The following PTBP3 variants were observed in gnomAD, a reference collection of about 807,000 sequenced individuals.
PTBP3 encodes polypyrimidine tract binding protein 3.
PTBP3 carries 20 observed loss-of-function variants against 58.7 expected under a neutral mutation model. The observed-to-expected ratio is 0.34, with a 90% confidence interval of 0.24 to 0.50. PTBP3 has a LOEUF of 0.50. Ranked by LOEUF, PTBP3 falls within the 20% of genes least tolerant of loss-of-function variation. The pLI, the probability that PTBP3 is intolerant of heterozygous loss-of-function variation, is 0.98. For synonymous variants in PTBP3, 185 were observed against 219.8 expected (o/e 0.84, Z 1.40); for missense variants, 509 against 637.2 (o/e 0.80, Z 2.17).
chr9:112,364,590 G>A, the PTBP3 span, among the ~76,000 whole-genome samples: 2 of 152,102 alleles, frequency 1.3e-5, no homozygotes, highest in East Asian at 1.9e-4. Flanking sequence ...CTATGATCAC[G>A]CCACTGTACT....
chr9:112,311,438 G>A (rs953727879), intron 1 of PTBP3, among the ~76,000 whole-genome samples: 5 of 152,132 alleles, frequency 3.3e-5, no homozygotes, highest in Non-Finnish European at 5.9e-5. Context: ...TAAGTTATAT[G>A]GAAATACAGT....
chr9:112,226,475 C>T (rs1589793769), intron 12 of PTBP3, among the ~76,000 whole-genome samples: 1 of 152,070 alleles, frequency 6.6e-6, no homozygotes, highest in Non-Finnish European at 1.5e-5. Context: ...GCTTATAGTC[C>T]CTTTTATGTA....
intron 1 of PTBP3, among the ~76,000 whole-genome samples, chr9:112,320,291 A>AAAAAAAAAATATATATATATATAT (rs1411646280): frequency 1.4e-5 from 1 of 73,564 alleles, no homozygotes; most frequent in African/African-American, 9.0e-5. Flanking sequence ...AAAAAAAAAA[A>AAAAAAAAAATATATATATATATAT]ATATATATAT....
chr9:112,351,916 C>T, the PTBP3 span, among the ~76,000 whole-genome samples: 1 of 151,498 alleles, frequency 6.6e-6, no homozygotes, highest in Non-Finnish European at 1.5e-5. Flanking sequence ...CTACCTCAGT[C>T]CTAGAATCAG....
chr9:112,371,727 C>T, the PTBP3 span, among the ~76,000 whole-genome samples: 3 of 136,220 alleles, frequency 2.2e-5, no homozygotes, highest in African/African-American at 8.4e-5. Context: ...TTTCTTAGTT[C>T]ACAATTCATT....
intron 9 of PTBP3, among the ~76,000 whole-genome samples, 169 bp from the exon 10 acceptor site, chr9:112,231,582 C>A (rs902184465): frequency 2.6e-5 from 4 of 152,004 alleles, no homozygotes; most frequent in African/African-American, 9.7e-5. Context: ...CAAACTTAAG[C>A]ATTTTAATTT....
chr9:112,305,694 A>C (rs1829156570), intron 1 of PTBP3, among the ~76,000 whole-genome samples: 1 of 152,128 alleles, frequency 6.6e-6, no homozygotes, highest in Non-Finnish European at 1.5e-5. Context: ...TAATCTCAGC[A>C]CTTTGGGAGG....
intron 2 of PTBP3, among the ~76,000 whole-genome samples, chr9:112,290,737 C>CACACACACAA (rs1455955448): frequency 1.4e-5 from 2 of 146,986 alleles, no homozygotes; most frequent in East Asian, 2.0e-4. Context: ...CACACACACA[C>CACACACACAA]AATCAAGTGT....
upstream of PTBP3, among the ~76,000 whole-genome samples, chr9:112,337,742 G>A (rs1830588706): frequency 6.6e-6 from 1 of 152,168 alleles, no homozygotes; most frequent in Non-Finnish European, 1.5e-5. Flanking sequence ...TCTGATGAGA[G>A]ACACCACCCC....
At chr9:112,232,059 C>A in intron 9 of PTBP3, 40 bp downstream of exon 9, 1 of 1,400,664 alleles carries the variant, frequency 7.1e-7, no homozygotes, top group Non-Finnish European at 9.6e-7. Context: ...ACTATACCTT[C>A]TCCTGAAAGA....
chr9:112,232,542 T>C (rs1835286107), intron 8 of PTBP3, among the ~76,000 whole-genome samples: 1 of 152,210 alleles, frequency 6.6e-6, no homozygotes, highest in South Asian at 2.1e-4. Flanking sequence ...ACACTCCCTC[T>C]GTTTCTTACA....
chr9:112,373,411 C>A, the PTBP3 span, among the ~76,000 whole-genome samples: 3 of 152,292 alleles, frequency 2.0e-5, no homozygotes, highest in Non-Finnish European at 4.4e-5. Context: ...GCTTTGTATT[C>A]ACTGGCAGCT....
At chr9:112,282,333 T>C (rs1321039057) in intron 2 of PTBP3, among the ~76,000 whole-genome samples, 2 of 152,222 alleles carry the variant, frequency 1.3e-5, no homozygotes, top group African/African-American at 4.8e-5. Context: ...ACTACTGGTT[T>C]CATTAATTTT....
At chr9:112,292,127 T>A (rs892033170) in intron 2 of PTBP3, among the ~76,000 whole-genome samples, 1 of 152,154 alleles carries the variant, frequency 6.6e-6, no homozygotes, top group African/African-American at 2.4e-5. Flanking sequence ...AGGACTTGAA[T>A]AGACATTTCT....
chr9:112,267,170 T>TTC (rs1836834994), intron 4 of PTBP3, among the ~76,000 whole-genome samples: 1 of 128,870 alleles, frequency 7.8e-6, no homozygotes, highest in Non-Finnish European at 1.6e-5. Context: ...CCCACTTTCT[T>TTC]TTTTTTTTTT....
At chr9:112,256,307 ATATT>A (rs1564409939) in intron 5 of PTBP3, among the ~76,000 whole-genome samples, 2 of 31,696 alleles carry the variant, frequency 6.3e-5, no homozygotes, top group East Asian at 9.7e-4. Flanking sequence ...ATATATATAT[ATATT>A]TATCTATCTT....
the PTBP3 span, among the ~76,000 whole-genome samples, chr9:112,376,287 G>A: frequency 8.2e-6 from 1 of 121,226 alleles, no homozygotes; most frequent in South Asian, 2.8e-4. Context: ...AAGAGTCTCG[G>A]TCTGTCACCA....
At chr9:112,232,368 C>A (rs1411395073) in intron 8 of PTBP3, 130 bp from the exon 9 acceptor site, 2 of 954,534 alleles carry the variant, frequency 2.1e-6, no homozygotes, top group Non-Finnish European at 3.0e-6. Flanking sequence ...CATAAAGATA[C>A]TGAAGGCCAG....
the PTBP3 span, among the ~76,000 whole-genome samples, chr9:112,349,108 AT>A: frequency 1.3e-5 from 2 of 152,108 alleles, no homozygotes; most frequent in Non-Finnish European, 2.9e-5. Context: ...GTTTATGCTA[AT>A]AGGGTGATTT....
Sources: allele counts gnomAD v4.1 joint callset (sites outside exome capture counted in the v4.1 genomes callset), GRCh38; gene constraint gnomAD v4.1.1; transcripts MANE v1.5; gene names NCBI Gene and HGNC (gene_info 2026-07-23, HGNC 2026-07-21).